The following DCC variants were observed in gnomAD, a reference collection of about 807,000 sequenced individuals.
DCC encodes DCC netrin 1 receptor.
Under a neutral mutation model 172.5 loss-of-function variants are expected in DCC, and 58 were observed. The observed-to-expected ratio is 0.34, with a 90% CI of 0.27 to 0.42. DCC has a LOEUF of 0.42. Among genes scored for constraint, DCC ranks in the 10% least tolerant of loss-of-function variants. DCC has a pLI of 1.00. For missense variants in DCC, 1,740 were observed against 1,791.0 expected, an observed-to-expected ratio of 0.97 and a Z score of 0.51; for synonymous variants, 709 against 644.5, an observed-to-expected ratio of 1.10 and a Z score of -1.52.
chr18:53,290,773 G>T (rs1314878077), intron 12 of DCC, among the ~76,000 whole-genome samples: 1 of 152,162 alleles, frequency 6.6e-6, no homozygotes, highest in Non-Finnish European at 1.5e-5. Flanking sequence ...AAAAGGGCAT[G>T]GTTCTGTACA....
intron 1 of DCC, among the ~76,000 whole-genome samples, chr18:52,547,415 C>G (rs117188346): frequency 0.012 from 1,825 of 152,238 alleles, 19 homozygotes; most frequent in South Asian, 0.022. Flanking sequence ...TCCACTCCCT[C>G]ATTTATTTGA....
chr18:53,310,462 A>G (rs1327606562), intron 13 of DCC, among the ~76,000 whole-genome samples: 1 of 151,976 alleles, frequency 6.6e-6, no homozygotes, highest in African/African-American at 2.4e-5. Context: ...TTTGTTAGAC[A>G]GGTGTTTTTT....
intron 3 of DCC, among the ~76,000 whole-genome samples, chr18:52,915,267 C>T (rs533767202): frequency 3.9e-5 from 6 of 152,194 alleles, no homozygotes; most frequent in Admixed American, 1.3e-4. Flanking sequence ...TTCTTGTTTA[C>T]TCAGGATACA....
chr18:52,806,236 C>A lies in DCC; in HGVS notation c.412+53862C>A, dbSNP rs996556679. Among the ~76,000 whole-genome samples, 5 of 152,060 alleles carry A rather than the reference C, an allele frequency of 3.3e-5. No individual in the cohort carries two copies. In the East Asian group the frequency reaches 9.6e-4, roughly 29 times the overall value. On this transcript the variant is annotated intron_variant, in intron 2 of 28. Transcript: ENST00000442544. Reference sequence around the variant, plus strand: ...AGAAAGTAAGAGACTTCCCATACACCCCAGTCCCCATACGTGTAAACCTCG... The same window carrying A: ...AGAAAGTAAGAGACTTCCCATACACACCAGTCCCCATACGTGTAAACCTCG...
chr18:52,482,714 C>T (rs2144586119), intron 1 of DCC, among the ~76,000 whole-genome samples: 1 of 152,264 alleles, frequency 6.6e-6, no homozygotes, highest in Non-Finnish European at 1.5e-5. Flanking sequence ...ATATATGAAT[C>T]TTGGAACTAC....
intron 1 of DCC, among the ~76,000 whole-genome samples, chr18:52,602,701 A>C (rs1256673166): frequency 1.3e-5 from 2 of 152,000 alleles, no homozygotes; most frequent in Non-Finnish European, 1.5e-5. Flanking sequence ...TTTTTTTTAC[A>C]ATGAAAAATA....
intron 13 of DCC, among the ~76,000 whole-genome samples, chr18:53,312,963 G>GGA (rs2057295254): frequency 8.0e-6 from 1 of 124,334 alleles, no homozygotes; most frequent in African/African-American, 3.4e-5. Flanking sequence ...AGGGAGGAGG[G>GGA]AGTGGGGAGA....
At chr18:52,414,681 A>C (rs1261626886) in intron 1 of DCC, among the ~76,000 whole-genome samples, 1 of 152,200 alleles carries the variant, frequency 6.6e-6, no homozygotes, top group Non-Finnish European at 1.5e-5. Context: ...TGCAAGGTGG[A>C]GAATATTTGT....
At chr18:52,457,093 G>C (rs769277968) in intron 1 of DCC, among the ~76,000 whole-genome samples, 4 of 151,972 alleles carry the variant, frequency 2.6e-5, no homozygotes, top group Non-Finnish European at 5.9e-5. Context: ...GTCACAAAAG[G>C]CTCTTCACTT....
chr18:53,402,686 C>T, intron 18 of DCC, 100 bp from the exon 19 acceptor site: 1 of 902,256 alleles, frequency 1.1e-6, no homozygotes, highest in Non-Finnish European at 1.9e-6. Context: ...TGATATACTT[C>T]TTGATAGATT....
At chr18:52,906,454 T>C (rs1270124479) in intron 3 of DCC, 126 bp downstream of exon 3, 6 of 1,029,302 alleles carry the variant, frequency 5.8e-6, no homozygotes, top group Non-Finnish European at 8.7e-6. Context: ...TTTTGTTTAT[T>C]ATTTCTTTCT....
chr18:53,434,987 AT>A (rs1363518990), intron 21 of DCC, among the ~76,000 whole-genome samples, 156 bp from the exon 22 acceptor site: 1 of 151,958 alleles, frequency 6.6e-6, no homozygotes, highest in African/African-American at 2.4e-5. Context: ...GGAAAATAAC[AT>A]TTTCTTATAG....
chr18:52,928,444 T>G (rs8098649), intron 5 of DCC, among the ~76,000 whole-genome samples: 2 of 151,956 alleles, frequency 1.3e-5, no homozygotes, highest in East Asian at 3.9e-4. Flanking sequence ...AATAAAAGTT[T>G]AAAAAATTGA....
At chr18:53,016,472 T>G (rs770558857) in intron 5 of DCC, among the ~76,000 whole-genome samples, 4 of 152,116 alleles carry the variant, frequency 2.6e-5, no homozygotes, top group Non-Finnish European at 4.4e-5. Flanking sequence ...ATACATGTCC[T>G]TGAGAATTAT....
chr18:53,160,767 C>A (rs371247241), intron 8 of DCC, among the ~76,000 whole-genome samples: 6 of 152,176 alleles, frequency 3.9e-5, no homozygotes, highest in African/African-American at 1.4e-4. Flanking sequence ...CCGCCTTTCC[C>A]CCACTCTTAG....
At chr18:53,262,376 G>A (rs1378353948) in intron 12 of DCC, among the ~76,000 whole-genome samples, 3 of 152,028 alleles carry the variant, frequency 2.0e-5, no homozygotes, top group Non-Finnish European at 2.9e-5. Flanking sequence ...TGACTTTCTG[G>A]CATAACTTTT....
intron 7 of DCC, among the ~76,000 whole-genome samples, chr18:53,085,046 C>T (rs2042858582): frequency 6.6e-6 from 1 of 152,014 alleles, no homozygotes; most frequent in African/African-American, 2.4e-5. Context: ...ATAGAATGCC[C>T]ACCAAACAAT....
At chr18:52,651,144 G>T (rs1000914901) in intron 1 of DCC, among the ~76,000 whole-genome samples, 8 of 152,144 alleles carry the variant, frequency 5.3e-5, no homozygotes, top group African/African-American at 1.4e-4. Context: ...AGAAAGCTGT[G>T]CATTTTTAAA....
intron 7 of DCC, among the ~76,000 whole-genome samples, chr18:53,105,152 T>C (rs1444138958): frequency 6.6e-6 from 1 of 152,064 alleles, no homozygotes; most frequent in Non-Finnish European, 1.5e-5. Flanking sequence ...GAGAAGATGC[T>C]GTGACTAAAA....
Sources: gnomAD v4.1 joint callset for allele counts (sites outside exome capture counted in the v4.1 genomes callset) on GRCh38, gnomAD v4.1.1 for gene constraint, MANE v1.5 for transcripts, NCBI Gene and HGNC (gene_info 2026-07-23, HGNC 2026-07-21) for gene names.